The following TEX44 variants were observed in gnomAD, a reference collection of about 807,000 sequenced individuals.
TEX44 encodes testis expressed 44.
For missense variants in TEX44, 487 were observed against 509.6 expected, an observed-to-expected ratio of 0.96 and a Z score of 0.43; for synonymous variants, 196 against 205.9, an observed-to-expected ratio of 0.95 and a Z score of 0.41.
the TEX44 span, chr2:231,592,968 AC>A: frequency 2.5e-6 from 4 of 1,612,684 alleles, no homozygotes; most frequent in Non-Finnish European, 3.4e-6. Context: ...CTCCCAGGGT[AC>A]CCCCTGGGCA....
In TEX44 at chr2:231,593,923, G is replaced by A. The variant is rs151146670; in HGVS notation, c.972G>A (p.Ser324=). 107 of 1,609,428 alleles carry A rather than the reference G, an allele frequency of 6.6e-5. No individual in the cohort carries two copies. The highest frequency in any genetic ancestry group is 3.6e-4 in the African/African-American group (27 of 75,040). ...CTGTGGCAGACCTGCTGCACAGCTCGGGGCCCAGCTTGCGCTCGGTCCCCA... is the reference window on the plus strand; with the variant it reads ...CTGTGGCAGACCTGCTGCACAGCTCAGGGCCCAGCTTGCGCTCGGTCCCCA... ...HSTVADLLHS[S]GPSLRSVPSL... Residue 324 remains serine (S), a synonymous_variant, in exon 1 of 1, where the codon TCG becomes TCA. Transcript: ENST00000313965.
rs762033541 is a variant in TEX44 at position 231,593,971 on chromosome 2, G to A, written c.1020G>A (p.Ser340=). ...CCAGCCTGGTGGGAAGCGTCAGCTC[G>A]GCCTTCTCCTCTGGGCTGGTGTCAG... ...SVPSLVGSVS[S]AFSSGLVSGT... is the part of the protein sequence containing the mutation. The change falls in exon 1 of 1, where the codon TCG becomes TCA. Residue 340 remains serine (S), a synonymous_variant. Transcript: ENST00000313965. The A allele has an allele frequency of 1.6e-5, 26 of 1,610,058 alleles. No homozygotes were observed. The highest frequency in any genetic ancestry group is 5.5e-5 in the South Asian group (5 of 91,088).
rs1232947320 is a variant in TEX44, at chr2:231,593,925, G to A, written c.974G>A (p.Gly325Glu). Residue 325 changes from glycine to glutamate, a missense_variant, in exon 1 of 1, where the codon GGG becomes GAG. Physicochemically the swap from Gly to Glu is moderately conservative, Grantham distance 98. Coordinates refer to ENST00000313965, the MANE Select transcript of TEX44 (RefSeq NM_152614.3). ...STVADLLHSS[G>E]PSLRSVPSLV... ...GTGGCAGACCTGCTGCACAGCTCGG[G>A]GCCCAGCTTGCGCTCGGTCCCCAGC... 1 of 1,609,460 alleles carries A rather than the reference G, an allele frequency of 6.2e-7. No individual in the cohort carries two copies.
chr2:231,593,180 C>A lies in TEX44; in HGVS notation c.229C>A (p.His77Asn), dbSNP rs751985427. 2.7e-5 allele frequency: 43 copies of A among 1,614,020 alleles called. No individual in the cohort carries two copies. The highest frequency in any genetic ancestry group is 3.6e-5 in the Non-Finnish European group (43 of 1,180,040). Residue 77 changes from histidine to asparagine, a missense_variant, in exon 1 of 1, where the codon CAC (histidine) becomes AAC (asparagine). His to Asn is a moderately conservative substitution (Grantham distance 68, BLOSUM62 1). Transcript: ENST00000313965. ...DKDKSAVVPE[H>N]GQKTPRKITP... ...AGACAAGAGTGCAGTTGTTCCAGAA[C>A]ACGGCCAGAAGACACCCAGAAAAAT...
Position 231,592,945 on chromosome 2 carries a change from C to A in TEX44, c.-7C>A. The A allele has an allele frequency of 6.2e-7, 1 of 1,611,006 alleles. No homozygotes were observed. Among genetic ancestry groups the A allele is most frequent in the Non-Finnish European group, 8.5e-7 (1 of 1,177,602 alleles). ...GGGGGAGGCCGGCTCCACCAGCAGCCCCATACATGGCACTCCCAGGGTACC... is the reference window on the plus strand; with the variant it reads ...GGGGGAGGCCGGCTCCACCAGCAGCACCATACATGGCACTCCCAGGGTACC... On this transcript the variant is annotated 5_prime_UTR_variant, in exon 1 of 1. Transcript: ENST00000313965.
chr2:231,593,852 AT>A, the TEX44 span: 1 of 1,610,834 alleles, frequency 6.2e-7, no homozygotes, highest in Non-Finnish European at 8.5e-7. Context: ...CGAGACCACC[AT>A]GGGCATGGCC....
In TEX44 at chr2:231,594,142, C is replaced by T. The variant is rs541531991; in HGVS notation, c.*3C>T. 1.9e-6 allele frequency: 3 copies of T among 1,611,328 alleles called. No individual in the cohort carries two copies. Among genetic ancestry groups the T allele is most frequent in the East Asian group, 2.2e-5 (1 of 44,832 alleles). On this transcript the variant is annotated 3_prime_UTR_variant, in exon 1 of 1. Transcript: ENST00000313965. Reference sequence around the variant, plus strand: ...AGGCTGACCCCAACTATGATTAGAGCCCTGCACAGGGACCCCCGAAGGGCT... The same window carrying T: ...AGGCTGACCCCAACTATGATTAGAGTCCTGCACAGGGACCCCCGAAGGGCT...
Position 231,593,124 on chromosome 2 carries a change from C to A in TEX44, c.173C>A (p.Thr58Asn), listed in dbSNP as rs2047772454. The change falls in exon 1 of 1, where the codon ACC becomes AAC. Residue 58 changes from threonine (T) to asparagine (N), a missense_variant. Physicochemically the swap from Thr to Asn is moderately conservative, Grantham distance 65. Transcript: ENST00000313965. ...GATCAGGCCTCCTTCAAGACGGCCA[C>A]CCCCAGGGCCATATCAACATCTGGA... ...DIDQASFKTA[T>N]PRAISTSGDK... 2 of 1,614,146 alleles carry A rather than the reference C, an allele frequency of 1.2e-6. No individual in the cohort carries two copies. The highest frequency in any genetic ancestry group is 1.6e-4 in the Middle Eastern group (1 of 6,062).
In TEX44 at chr2:231,593,933, T is replaced by TTGCGCTCGGTCCCCAGCC. The variant is rs755792533; in HGVS notation, c.985_1002dup (p.Arg329_Leu334dup). On this transcript the variant is annotated inframe_insertion, in exon 1 of 1. Coordinates refer to ENST00000313965, the MANE Select transcript of TEX44 (RefSeq NM_152614.3). Reference sequence around the variant, plus strand: ...CCTGCTGCACAGCTCGGGGCCCAGCTTGCGCTCGGTCCCCAGCCTGGTGGG... The same window carrying TTGCGCTCGGTCCCCAGCC: ...CCTGCTGCACAGCTCGGGGCCCAGCTTGCGCTCGGTCCCCAGCCTGCGCTCGGTCCCCAGCCTGGTGGG... 2 of 1,609,462 alleles carry TTGCGCTCGGTCCCCAGCC rather than the reference T, an allele frequency of 1.2e-6. No individual in the cohort carries two copies. The highest frequency in any genetic ancestry group is 1.7e-6 in the Non-Finnish European group (2 of 1,179,972).
In TEX44 at chr2:231,594,159, C is replaced by T. The variant is rs112363884; in HGVS notation, c.*20C>T. On this transcript the variant is annotated 3_prime_UTR_variant, in exon 1 of 1. Coordinates refer to ENST00000313965, the MANE Select transcript of TEX44 (RefSeq NM_152614.3). Reference sequence around the variant, plus strand: ...GATTAGAGCCCTGCACAGGGACCCCCGAAGGGCTGGTTCAGTGGCCTCCAG... The same window carrying T: ...GATTAGAGCCCTGCACAGGGACCCCTGAAGGGCTGGTTCAGTGGCCTCCAG... 30 of 1,600,704 alleles carry T rather than the reference C, an allele frequency of 1.9e-5. No individual in the cohort carries two copies. The highest frequency in any genetic ancestry group is 3.4e-5 in the Admixed American group (2 of 59,444).
Position 231,594,268 on chromosome 2 carries a change from G to A in TEX44, c.*129G>A, listed in dbSNP as rs1346867564. 15 of 782,368 alleles carry A rather than the reference G, an allele frequency of 1.9e-5. No individual in the cohort carries two copies. Among genetic ancestry groups the A allele is most frequent in the Non-Finnish European group, 2.9e-5 (14 of 488,116 alleles). 48.5% of individuals were successfully genotyped at this position (782,368 alleles called of 1,614,324 possible). On this transcript the variant is annotated 3_prime_UTR_variant, in exon 1 of 1. Coordinates refer to ENST00000313965, the MANE Select transcript of TEX44 (RefSeq NM_152614.3). ...CCAGCCCATGCAATAAATCACCAGT[G>A]AGCATTTATTTCTAAGCACCAGCCT...
the TEX44 span, chr2:231,594,078 T>TGCGCTACCTGACCAGCCAC: frequency 8.3e-4 from 1,335 of 1,613,394 alleles, 16 homozygotes; most frequent in African/African-American, 0.016. Context: ...CGCTCAGCCA[T>TGCGCTACCTGACCAGCCAC]GCGCTACCTG....
At position 231,593,963 on chromosome 2, in the gene TEX44, G is replaced by T. The variant is rs544459786; in HGVS notation, c.1012G>T (p.Val338Phe). The T allele has an allele frequency of 1.6e-5, 25 of 1,609,688 alleles. No homozygotes were observed. In the East Asian group the frequency reaches 4.9e-4, roughly 32 times the overall value. ...LRSVPSLVGS[V>F]SSAFSSGLVS... is the part of the protein sequence containing the mutation. ...CTCGGTCCCCAGCCTGGTGGGAAGC[G>T]TCAGCTCGGCCTTCTCCTCTGGGCT... Residue 338 changes from valine (V) to phenylalanine (F), a missense_variant, in exon 1 of 1, where the codon GTC becomes TTC. By Grantham distance (50) the Val-to-Phe change is conservative (BLOSUM62 -1). Transcript: ENST00000313965.
At position 231,593,727 on chromosome 2, in the gene TEX44, T is replaced by C. The variant is rs768222911; in HGVS notation, c.776T>C (p.Leu259Pro). ...PHEVALGRRP[L>P]DSSLYTASEE... ...GAGGTGGCCCTGGGGAGAAGGCCCC[T>C]GGACTCCAGCCTGTACACGGCCAGT... Residue 259 changes from leucine to proline, a missense_variant, in exon 1 of 1, where the codon CTG becomes CCG. Coordinates refer to ENST00000313965, the MANE Select transcript of TEX44 (RefSeq NM_152614.3). The C allele has an allele frequency of 3.8e-5, 62 of 1,610,916 alleles. No homozygotes were observed. The Admixed American group carries it at 5.7e-4, about 15-fold the overall frequency.
chr2:231,594,062 G>A lies in TEX44; in HGVS notation c.1111G>A (p.Gly371Ser). ...GACAGTGGAGCAGAGGACCGTGGAG[G>A]GCATCCGCTCAGCCATGCGCTACCT... The part of the protein sequence containing the change: ...LETVEQRTVE[G>S]IRSAMRYLTS... The change falls in exon 1 of 1, where the codon GGC becomes AGC. Residue 371 changes from glycine to serine, a missense_variant. Physicochemically the swap from Gly to Ser is moderately conservative, Grantham distance 56. Transcript: ENST00000313965. 6.2e-7 allele frequency: 1 copy of A among 1,613,232 alleles called. No individual in the cohort carries two copies. The highest frequency in any genetic ancestry group is 8.5e-7 in the Non-Finnish European group (1 of 1,179,996).
Position 231,593,446 on chromosome 2 carries a change from G to C in TEX44, c.495G>C (p.Gln165His). 1 of 1,614,244 alleles carries C rather than the reference G, an allele frequency of 6.2e-7. No homozygotes were observed. Among genetic ancestry groups the C allele is most frequent in the Non-Finnish European group, 8.5e-7 (1 of 1,180,050 alleles). The change falls in exon 1 of 1, where the codon CAG becomes CAC. Residue 165 changes from glutamine (Q) to histidine (H), a missense_variant. Coordinates refer to ENST00000313965, the MANE Select transcript of TEX44 (RefSeq NM_152614.3). ...AGTCCACCCAGCACATGGAGGCTCAGCCCGTCGAGAGTGATGCTGACCATG... is the reference window on the plus strand; with the variant it reads ...AGTCCACCCAGCACATGGAGGCTCACCCCGTCGAGAGTGATGCTGACCATG... ...ELQSTQHMEA[Q>H]PVESDADHVT...
rs16828251 is a variant in TEX44, at chr2:231,592,982, G to A, written c.31G>A (p.Val11Met). 1.5e-5 allele frequency: 25 copies of A among 1,613,934 alleles called. No homozygotes were observed. Among genetic ancestry groups the A allele is most frequent in the South Asian group, 1.4e-4 (13 of 91,082 alleles). Reference sequence around the variant, plus strand: ...ACTCCCAGGGTACCCCCTGGGCAACGTGGATGACAGCAGGTCTAAGGACAG... The same window carrying A: ...ACTCCCAGGGTACCCCCTGGGCAACATGGATGACAGCAGGTCTAAGGACAG... MALPGYPLGN[V>M]DDSRSKDSPA... Residue 11 changes from valine (V) to methionine (M), a missense_variant, in exon 1 of 1, where the codon GTG (valine) becomes ATG (methionine). Transcript: ENST00000313965.
rs1035670012 is a variant in TEX44, at chr2:231,593,068, C to T, written c.117C>T (p.Ser39=). Reference sequence around the variant, plus strand: ...CAGCAGATGTCTTGGCAGTGAGCAGCTCTGTCGCATCCACTGACTGGCAGG... The same window carrying T: ...CAGCAGATGTCTTGGCAGTGAGCAGTTCTGTCGCATCCACTGACTGGCAGG... ...PLTADVLAVS[S]SVASTDWQDI... Residue 39 remains serine, a synonymous_variant, in exon 1 of 1, where the codon AGC becomes AGT. Coordinates refer to ENST00000313965, the MANE Select transcript of TEX44 (RefSeq NM_152614.3). The T allele has an allele frequency of 7.4e-6, 12 of 1,614,176 alleles. No homozygotes were observed. Among genetic ancestry groups the T allele is most frequent in the Non-Finnish European group, 1.0e-5 (12 of 1,180,026 alleles).
chr2:231,594,160 G>A lies in TEX44; in HGVS notation c.*21G>A, dbSNP rs374136231. The A allele has an allele frequency of 1.9e-4, 306 of 1,601,406 alleles. No homozygotes were observed. Among genetic ancestry groups the A allele is most frequent in the African/African-American group, 4.2e-4 (31 of 74,692 alleles). On this transcript the variant is annotated 3_prime_UTR_variant, in exon 1 of 1. Coordinates refer to ENST00000313965, the MANE Select transcript of TEX44 (RefSeq NM_152614.3). ...ATTAGAGCCCTGCACAGGGACCCCCGAAGGGCTGGTTCAGTGGCCTCCAGA... is the reference window on the plus strand; with the variant it reads ...ATTAGAGCCCTGCACAGGGACCCCCAAAGGGCTGGTTCAGTGGCCTCCAGA...
Sources: allele counts gnomAD v4.1 joint callset, GRCh38; gene constraint gnomAD v4.1.1; transcripts MANE v1.5; gene names NCBI Gene and HGNC (gene_info 2026-07-23, HGNC 2026-07-21).